CDH23: variants seen among roughly 807,000 people sequenced by gnomAD.
CDH23 encodes the protein cadherin-23.
Under a neutral mutation model 317.1 loss-of-function variants are expected in CDH23, and 189 were observed. That is an observed-to-expected ratio of 0.60 (90% CI 0.53 to 0.67). The LOEUF (loss-of-function observed/expected upper bound fraction) is 0.67. CDH23 is among the 30% of genes least tolerant of loss of function. CDH23 has a pLI of 0.00. For missense variants in CDH23, 4,401 were observed against 4,592.4 expected (o/e 0.96, Z 1.20); for synonymous variants, 1,839 against 1,876.8 (o/e 0.98, Z 0.52).
At chr10:71,716,103 G>A in intron 28 of CDH23, 4 of 1,540,466 alleles carry the variant, frequency 2.6e-6, no homozygotes, top group Non-Finnish European at 2.6e-6. Context: ...GGGCTCCCAG[G>A]GTGGTGGGGC....
chr10:71,515,485 G>A (rs1052778281), intron 6 of CDH23, among the ~76,000 whole-genome samples: 1 of 147,468 alleles, frequency 6.8e-6, no homozygotes, highest in South Asian at 2.1e-4. Flanking sequence ...TCTGCCTGTC[G>A]TTCAAAGCCC....
intron 9 of CDH23, among the ~76,000 whole-genome samples, chr10:71,609,725 A>C (rs535907932): frequency 1.3e-5 from 2 of 152,294 alleles, no homozygotes; most frequent in Admixed American, 1.3e-4. Flanking sequence ...ATGTGCCATA[A>C]ACAGCAGCCT....
At position 71,553,167 on chromosome 10, in the gene CDH23, C is replaced by T. The variant is rs139844925; in HGVS notation, c.430-13575C>T. 1.2e-4 allele frequency among the ~76,000 whole-genome samples: 19 copies of T among 152,266 alleles called. No individual in the cohort carries two copies. In the East Asian group the frequency reaches 3.7e-3, roughly 29 times the overall value. On this transcript the variant is annotated intron_variant, in intron 6 of 69. Coordinates refer to ENST00000224721, the MANE Select transcript of CDH23 (RefSeq NM_022124.6). ...TCTAATATGCAGCCAGGGGTGTGAA[C>T]CATTGGAATAGACATTGGAATAGGA... is the stretch of plus-strand genomic sequence containing the variant.
rs748152139 is a variant in CDH23, at chr10:71,809,975, G to A, written c.8878G>A (p.Val2960Ile). Residue 2960 changes from valine (V) to isoleucine (I), a missense_variant, in exon 61 of 70, where the codon GTC becomes ATC. Val to Ile is a conservative substitution (Grantham distance 29, BLOSUM62 3). Transcript: ENST00000224721. ...ILRDDQRVKI[V>I]INEIPDRVRG... ...GAGGGACGACCAGCGCGTCAAGATC[G>A]TCATTAACGAGATCCCCGACCGTGT... 51 of 1,611,986 alleles carry A rather than the reference G, an allele frequency of 3.2e-5. No individual in the cohort carries two copies. The highest frequency in any genetic ancestry group is 3.7e-5 in the Non-Finnish European group (44 of 1,179,898).
intron 1 of CDH23, among the ~76,000 whole-genome samples, chr10:71,404,536 C>T (rs1347107196): frequency 6.6e-6 from 1 of 152,236 alleles, no homozygotes; most frequent in African/African-American, 2.4e-5. Context: ...TACCATTTTA[C>T]AAGTGGTGAA....
At chr10:71,432,999 T>C (rs987972636) in intron 1 of CDH23, among the ~76,000 whole-genome samples, 3 of 152,176 alleles carry the variant, frequency 2.0e-5, no homozygotes, top group Admixed American at 2.0e-4. Flanking sequence ...ATCAGGGTTG[T>C]CCATGTGTTC....
At chr10:71,811,457 C>T (rs1200144584) in intron 63 of CDH23, 22 bp downstream of exon 63, 1 of 1,614,022 alleles carries the variant, frequency 6.2e-7, no homozygotes, top group East Asian at 2.2e-5. Context: ...CCGTGCCCCA[C>T]AGCCCTAGCC....
intron 38 of CDH23, among the ~76,000 whole-genome samples, chr10:71,771,364 C>T (rs954811328): frequency 2.6e-5 from 4 of 152,240 alleles, no homozygotes; most frequent in African/African-American, 9.6e-5. Flanking sequence ...AGCTGGAGAA[C>T]AGGCTGGCCC....
intron 6 of CDH23, among the ~76,000 whole-genome samples, chr10:71,552,283 T>G (rs1032820753): frequency 8.5e-5 from 13 of 152,176 alleles, no homozygotes; most frequent in African/African-American, 2.9e-4. Context: ...CTCCCATCCT[T>G]TCCAGCTAGT....
At chr10:71,597,105 A>G (rs1434301473) in intron 9 of CDH23, among the ~76,000 whole-genome samples, 2 of 152,070 alleles carry the variant, frequency 1.3e-5, no homozygotes, top group Non-Finnish European at 2.9e-5. Flanking sequence ...TTGTTATATC[A>G]TAGGCCCCAC....
intron 3 of CDH23, among the ~76,000 whole-genome samples, chr10:71,483,206 C>A (rs1034108189): frequency 6.6e-6 from 1 of 152,202 alleles, no homozygotes; most frequent in African/African-American, 2.4e-5. Context: ...TGGTGACCCA[C>A]CCCAGCATAA....
In CDH23 at chr10:71,397,796, G is replaced by C. The variant is rs567568467; in HGVS notation, c.-6+478G>C. Among the ~76,000 whole-genome samples, 1 of 152,138 alleles carries C rather than the reference G, an allele frequency of 6.6e-6. No individual in the cohort carries two copies. Among genetic ancestry groups the C allele is most frequent in the South Asian group, 2.1e-4 (1 of 4,812 alleles). On this transcript the variant is annotated intron_variant, in intron 1 of 69. Coordinates refer to ENST00000224721, the MANE Select transcript of CDH23 (RefSeq NM_022124.6). The surrounding 1 kb of genome is among the most constrained non-coding windows in gnomAD (Gnocchi z 4.8). Reference sequence around the variant, plus strand: ...CCCCTACTGCGGGCTGGGCAGAGGCGCTGAGGGGAACTAAAGGCACGTAGT... The same window carrying C: ...CCCCTACTGCGGGCTGGGCAGAGGCCCTGAGGGGAACTAAAGGCACGTAGT...
At chr10:71,532,515 G>C (rs1395039816) in intron 6 of CDH23, among the ~76,000 whole-genome samples, 1 of 152,102 alleles carries the variant, frequency 6.6e-6, no homozygotes, top group Admixed American at 6.6e-5. Context: ...CTGGGGATCT[G>C]TGCCAGCCAG....
chr10:71,459,834 T>A (rs1850891425), intron 3 of CDH23, among the ~76,000 whole-genome samples: 1 of 152,174 alleles, frequency 6.6e-6, no homozygotes, highest in Admixed American at 6.5e-5. Flanking sequence ...CCTGTTCTTC[T>A]TCATACGGTG....
chr10:71,719,884 G>A (rs753915601), intron 28 of CDH23: 21 of 152,838 alleles, frequency 1.4e-4, no homozygotes, highest in Non-Finnish European at 2.5e-4. Flanking sequence ...ACTGGGTTGG[G>A]AAGAGGGAGA....
chr10:71,736,154 C>T (rs1007014253), intron 34 of CDH23, among the ~76,000 whole-genome samples: 7 of 152,232 alleles, frequency 4.6e-5, no homozygotes, highest in Admixed American at 4.6e-4. Context: ...GCACACACTT[C>T]TGCCTGTGCC....
intron 28 of CDH23, chr10:71,715,178 C>T: frequency 6.6e-6 from 1 of 152,474 alleles, no homozygotes; most frequent in East Asian, 1.9e-4. Context: ...TGGAAATGCC[C>T]TGCCTCTTGC....
intron 28 of CDH23, among the ~76,000 whole-genome samples, chr10:71,719,373 A>T (rs1203709314): frequency 6.6e-6 from 1 of 152,150 alleles, no homozygotes; most frequent in East Asian, 1.9e-4. Flanking sequence ...CTCTGGACAT[A>T]TCTCTGCAAG....
chr10:71,493,326 G>A (rs984938955), intron 3 of CDH23, among the ~76,000 whole-genome samples: 1 of 152,120 alleles, frequency 6.6e-6, no homozygotes, highest in African/African-American at 2.4e-5. Context: ...AAGCTGGCAG[G>A]GATCCGGGCA....
Sources: gnomAD v4.1 joint callset for allele counts (sites outside exome capture counted in the v4.1 genomes callset) on GRCh38, gnomAD v4.1.1 for gene constraint, Gnocchi (gnomAD v3.1) non-coding constraint, MANE v1.5 for transcripts, NCBI Gene and HGNC (gene_info 2026-07-23, HGNC 2026-07-21) for gene names.